NOL10: variants seen among roughly 807,000 people sequenced by gnomAD.
The protein encoded by NOL10 is nucleolar protein 10, also known as H_NH0074G24.1.
Under a neutral mutation model 103.5 loss-of-function variants are expected in NOL10, and 58 were observed. That is an observed-to-expected ratio of 0.56 (90% CI 0.45 to 0.70). The LOEUF (loss-of-function observed/expected upper bound fraction) is 0.70. NOL10 is among the 30% of genes least tolerant of loss of function. NOL10 has a pLI of 0.00. For missense variants in NOL10, 763 were observed against 807.3 expected (o/e 0.95, Z 0.67); for synonymous variants, 287 against 282.5 (o/e 1.02, Z -0.16).
intron 14 of NOL10, among the ~76,000 whole-genome samples, chr2:10,603,965 A>C (rs545937324): frequency 6.6e-6 from 1 of 152,318 alleles, no homozygotes; most frequent in Non-Finnish European, 1.5e-5. Flanking sequence ...GGCACCAGGG[A>C]CTGGTTTTGT....
intron 15 of NOL10, 73 bp downstream of exon 15, chr2:10,603,005 G>T: frequency 1.5e-6 from 2 of 1,294,308 alleles, no homozygotes; most frequent in Non-Finnish European, 2.2e-6. Context: ...TTATGAAAGT[G>T]CGAGTAGTGA....
At position 10,663,044 on chromosome 2, in the gene NOL10, C is replaced by G; in HGVS notation, c.592G>C (p.Gly198Arg). Residue 198 changes from glycine to arginine, a missense_variant and splice_region_variant, in exon 9 of 21, where the codon GGT (glycine) becomes CGT (arginine). Transcript: ENST00000381685. ...CTTGGGTCCCAGCACTCCACTCTAC[C>G]CTATGCAAATGAAAAACAATTTTAA... ...HGLFATGTIE[G>R]RVECWDPRTR... is the part of the protein sequence containing the mutation. 1 of 1,613,130 alleles carries G rather than the reference C, an allele frequency of 6.2e-7. No homozygotes were observed. The highest frequency in any genetic ancestry group is 8.5e-7 in the Non-Finnish European group (1 of 1,179,218).
chr2:10,618,151 A>C (rs2148214223), intron 13 of NOL10, among the ~76,000 whole-genome samples: 1 of 151,926 alleles, frequency 6.6e-6, no homozygotes, highest in East Asian at 1.9e-4. Flanking sequence ...AGCTGGGATT[A>C]TGGGTGGGTA....
At chr2:10,607,448 T>TA in intron 13 of NOL10, 137 bp from the exon 14 acceptor site, 1 of 906,534 alleles carries the variant, frequency 1.1e-6, no homozygotes, top group South Asian at 2.2e-5. Context: ...ATGGATGCAG[T>TA]ATGTATAATG....
chr2:10,599,907 T>C (rs148885082), intron 17 of NOL10, among the ~76,000 whole-genome samples: 1 of 151,972 alleles, frequency 6.6e-6, no homozygotes, highest in African/African-American at 2.4e-5. Context: ...TTGCAGTCCC[T>C]GGGTATTGAA....
chr2:10,599,738 G>A (rs1359782851), intron 17 of NOL10, among the ~76,000 whole-genome samples: 1 of 152,090 alleles, frequency 6.6e-6, no homozygotes, highest in East Asian at 1.9e-4. Flanking sequence ...ACAGCAAGGG[G>A]GAGTCTTGAG....
rs80199578 is a variant in NOL10 at position 10,659,352 on chromosome 2, G to C, written c.678-102C>G. 1.0e-5 allele frequency: 4 copies of C among 395,074 alleles called. No individual in the cohort carries two copies. The Admixed American group carries it at 1.4e-4, about 13-fold the overall frequency. The allele number at this position is 395,074 out of a possible 1,614,324, so 24.5% of individuals were successfully genotyped here. A position where few individuals can be genotyped will look rare whatever the true frequency, so the allele number is the denominator to read the frequency against. Reference sequence around the variant, plus strand: ...CACTTCAAATCTAATGGGGGGGGGGGGGAGGAATCACATTTCTAGGCTTCT... The same window carrying C: ...CACTTCAAATCTAATGGGGGGGGGGCGGAGGAATCACATTTCTAGGCTTCT... On this transcript the variant is annotated intron_variant, in intron 9 of 20. Transcript: ENST00000381685.
intron 13 of NOL10, among the ~76,000 whole-genome samples, chr2:10,611,989 T>C (rs1249481801): frequency 1.3e-5 from 2 of 152,158 alleles, no homozygotes; most frequent in African/African-American, 4.8e-5. Context: ...CATGATGGCA[T>C]GTACCTGTAG....
At chr2:10,657,258 C>T (rs1268755421) in intron 11 of NOL10, among the ~76,000 whole-genome samples, 1 of 151,664 alleles carries the variant, frequency 6.6e-6, no homozygotes, top group Non-Finnish European at 1.5e-5. Flanking sequence ...GCGGAGGTTA[C>T]AGTGAGCTGA....
intron 11 of NOL10, among the ~76,000 whole-genome samples, chr2:10,655,299 G>C (rs971099559): frequency 2.0e-5 from 3 of 151,730 alleles, no homozygotes; most frequent in Non-Finnish European, 4.4e-5. Flanking sequence ...AAAAGGAAAG[G>C]AAAGGAAAGG....
chr2:10,682,399 CTT>C (rs761615937), intron 2 of NOL10, among the ~76,000 whole-genome samples: 39 of 138,426 alleles, frequency 2.8e-4, no homozygotes, highest in Admixed American at 2.9e-4. Context: ...CATTAAACCA[CTT>C]TTTTTTTTTT....
intron 13 of NOL10, among the ~76,000 whole-genome samples, chr2:10,627,692 A>C (rs1355837311): frequency 6.9e-6 from 1 of 145,142 alleles, no homozygotes; most frequent in African/African-American, 2.6e-5. Flanking sequence ...ACAAACAAAC[A>C]AACAAACAAA....
intron 4 of NOL10, among the ~76,000 whole-genome samples, chr2:10,674,270 C>G (rs2148347947): frequency 6.6e-6 from 1 of 151,936 alleles, no homozygotes; most frequent in Admixed American, 6.6e-5. Context: ...AGTTGGGAGA[C>G]TATGCATATA....
intron 11 of NOL10, among the ~76,000 whole-genome samples, chr2:10,657,238 A>C (rs1679900546): frequency 1.3e-5 from 2 of 152,110 alleles, no homozygotes; most frequent in African/African-American, 4.8e-5. Flanking sequence ...GAATTGCTTG[A>C]AACTGGGAGG....
intron 13 of NOL10, among the ~76,000 whole-genome samples, chr2:10,642,198 C>T (rs1232459044): frequency 6.6e-6 from 1 of 152,212 alleles, no homozygotes; most frequent in Non-Finnish European, 1.5e-5. Flanking sequence ...GTGATCTATA[C>T]AGCTCTCTAT....
At chr2:10,589,347 TG>T in intron 18 of NOL10, 57 bp from the exon 19 acceptor site, 1 of 1,597,124 alleles carries the variant, frequency 6.3e-7, no homozygotes, top group Non-Finnish European at 8.5e-7. Flanking sequence ...ACAGACCCCT[TG>T]GTTTCTCTGA....
At chr2:10,684,772 G>T (rs188478847) in intron 1 of NOL10, among the ~76,000 whole-genome samples, 160 bp from the exon 2 acceptor site, 12 of 152,248 alleles carry the variant, frequency 7.9e-5, no homozygotes, top group African/African-American at 2.9e-4. Flanking sequence ...TACTCGTAAC[G>T]TATTAAATAT....
intron 20 of NOL10, among the ~76,000 whole-genome samples, chr2:10,574,246 C>A (rs187317782): frequency 1.3e-5 from 2 of 152,290 alleles, no homozygotes; most frequent in East Asian, 3.9e-4. Context: ...TCTAACACTC[C>A]CTAGCTGAGC....
intron 6 of NOL10, 97 bp downstream of exon 6, chr2:10,671,453 TAAAG>T: frequency 9.9e-7 from 1 of 1,005,062 alleles, no homozygotes. Context: ...ACTTTTTTAT[TAAAG>T]CAAGTTACCT....
Sources: allele counts gnomAD v4.1 joint callset (sites outside exome capture counted in the v4.1 genomes callset), GRCh38; gene constraint gnomAD v4.1.1; transcripts MANE v1.5; gene names NCBI Gene and HGNC (gene_info 2026-07-23, HGNC 2026-07-21).